The following MDGA1 variants were observed in gnomAD, a reference collection of about 807,000 sequenced individuals.
MDGA1 encodes the protein MAM domain containing glycosylphosphatidylinositol anchor 1.
A neutral mutation model predicts 101.5 loss-of-function variants in MDGA1; 54 were observed. That is an observed-to-expected ratio of 0.53 (90% CI 0.43 to 0.67). The LOEUF (loss-of-function observed/expected upper bound fraction) is 0.67, where lower values mean the gene tolerates loss of function less well. MDGA1 is among the 30% of genes least tolerant of loss of function. The pLI, the probability that MDGA1 is intolerant of heterozygous loss-of-function variation, is 0.00. For missense variants in MDGA1, 1,083 were observed against 1,323.8 expected, an observed-to-expected ratio of 0.82 and a Z score of 2.82; for synonymous variants, 533 against 558.3, an observed-to-expected ratio of 0.95 and a Z score of 0.64.
chr6:37,694,149 T>G (rs927044469), intron 1 of MDGA1, among the ~76,000 whole-genome samples: 1 of 152,002 alleles, frequency 6.6e-6, no homozygotes, highest in African/African-American at 2.4e-5. Flanking sequence ...GGATATACAT[T>G]TTTCTCCTAT....
At chr6:37,672,155 A>T (rs1377935511) in intron 1 of MDGA1, among the ~76,000 whole-genome samples, 1 of 151,844 alleles carries the variant, frequency 6.6e-6, no homozygotes. Context: ...AAAGAAAAAA[A>T]AAAAGTTCCT....
rs772211019 is a variant in MDGA1, at chr6:37,650,413, G to C, written c.1313-8C>G. The C allele has an allele frequency of 2.0e-6, 3 of 1,527,236 alleles. No individual in the cohort carries two copies. The allele number at this position is 1,527,236 out of a possible 1,614,324, so 94.6% of individuals were successfully genotyped here. A position where few individuals can be genotyped will look rare whatever the true frequency, so the allele number is the denominator to read the frequency against. ...CACTGATGGTGGGCGGCACTGTGGG[G>C]GTGATGGTGATCAGCGGAGAGGTAG... is the stretch of plus-strand genomic sequence containing the variant. On this transcript the variant is annotated splice_polypyrimidine_tract_variant and splice_region_variant and intron_variant, in intron 7 of 16. Transcript: ENST00000434837.
intron 3 of MDGA1, among the ~76,000 whole-genome samples, chr6:37,657,106 A>T (rs1453347472): frequency 6.6e-6 from 1 of 152,202 alleles, no homozygotes; most frequent in Non-Finnish European, 1.5e-5. Context: ...TATGTAAAAA[A>T]TCATTAACCT....
Position 37,647,315 on chromosome 6 carries a change from T to C in MDGA1, c.1904A>G (p.Tyr635Cys), listed in dbSNP as rs750740107. 2.0e-5 allele frequency: 31 copies of C among 1,546,148 alleles called. No homozygotes were observed. The highest frequency in any genetic ancestry group is 1.7e-4 in the Middle Eastern group (1 of 5,980). Reference protein sequence around the residue: ...ACLFQVSAKAYSPEFYFDTPN... With the variant: ...ACLFQVSAKACSPEFYFDTPN... ...GGTGTCGAAGTAAAACTCCGGGCTG[T>C]AGGCTTTGGCTAAGAGGGCGGGGAG... The change falls in exon 10 of 17, where the codon TAC becomes TGC. Residue 635 changes from tyrosine (Y) to cysteine (C), a missense_variant. Physicochemically the swap from Tyr to Cys is radical, Grantham distance 194 (BLOSUM62 -2). Coordinates refer to ENST00000434837, the MANE Select transcript of MDGA1 (RefSeq NM_153487.4).
chr6:37,645,668 G>A (rs974747207), intron 12 of MDGA1, among the ~76,000 whole-genome samples: 3 of 150,130 alleles, frequency 2.0e-5, no homozygotes, highest in South Asian at 2.1e-4. Context: ...GGGTGTAGAT[G>A]AGCCCAGCCT....
At chr6:37,664,185 T>A (rs1355684611) in intron 1 of MDGA1, 79 bp from the exon 2 acceptor site, 2 of 1,562,666 alleles carry the variant, frequency 1.3e-6, no homozygotes, top group Non-Finnish European at 1.7e-6. Context: ...CTCCTGAGTG[T>A]ATCTGGGAGG....
rs1763929919 is a variant in MDGA1, at chr6:37,636,392, T to A, written c.*976A>T. 1 of 152,222 alleles carries A rather than the reference T, an allele frequency of 6.6e-6. No homozygotes were observed. The highest frequency in any genetic ancestry group is 2.1e-4 in the South Asian group (1 of 4,830). 9.4% of individuals were successfully genotyped at this position (152,222 alleles called of 1,614,324 possible). On this transcript the variant is annotated 3_prime_UTR_variant, in exon 17 of 17. Coordinates refer to ENST00000434837, the MANE Select transcript of MDGA1 (RefSeq NM_153487.4). ...AGGGCACCCTTTCATGCCAAGTAGA[T>A]AAGAAATGAAGGCCCCTCTCCACTT...
intron 1 of MDGA1, among the ~76,000 whole-genome samples, chr6:37,675,180 A>C (rs1761951396): frequency 6.6e-6 from 1 of 152,202 alleles, no homozygotes; most frequent in African/African-American, 2.4e-5. Flanking sequence ...CAAATCTGAG[A>C]GGGCTGCTCA....
At chr6:37,692,071 G>A (rs1278486431) in intron 1 of MDGA1, among the ~76,000 whole-genome samples, 3 of 152,190 alleles carry the variant, frequency 2.0e-5, no homozygotes, top group Non-Finnish European at 4.4e-5. Flanking sequence ...GTTCCAGAAG[G>A]CCCTAAGGAA....
chr6:37,697,338 C>G lies in MDGA1; in HGVS notation c.-527G>C, dbSNP rs1762443566. 1 of 152,236 alleles carries G rather than the reference C, an allele frequency of 6.6e-6. No individual in the cohort carries two copies. Among genetic ancestry groups the G allele is most frequent in the South Asian group, 2.1e-4 (1 of 4,832 alleles). The allele number at this position is 152,236 out of a possible 1,614,324, so 9.4% of individuals were successfully genotyped here. On this transcript the variant is annotated 5_prime_UTR_variant, in exon 1 of 17. Coordinates refer to ENST00000434837, the MANE Select transcript of MDGA1 (RefSeq NM_153487.4). ...TGCCGTGGGCTCAGCGGCCCGACTCCAGGGGGCCGGGCTGAAAGCACTCGC... is the reference window on the plus strand; with the variant it reads ...TGCCGTGGGCTCAGCGGCCCGACTCGAGGGGGCCGGGCTGAAAGCACTCGC...
Position 37,656,586 on chromosome 6 carries a change from T to TG in MDGA1, c.383-691dup, listed in dbSNP as rs548961700. Among the ~76,000 whole-genome samples the TG allele has an allele frequency of 2.0e-3, 304 of 151,974 alleles. 2 individuals are homozygous for TG. Among genetic ancestry groups the TG allele is most frequent in the African/African-American group, 6.8e-3 (282 of 41,442 alleles). Reference sequence around the variant, plus strand: ...CAGGGTTTCACCATATTGCCCAGACTGTTCTTGAGCTCCTGGGCTCAAGCA... The same window carrying TG: ...CAGGGTTTCACCATATTGCCCAGACTGGTTCTTGAGCTCCTGGGCTCAAGCA... On this transcript the variant is annotated intron_variant, in intron 3 of 16. Transcript: ENST00000434837.
chr6:37,651,565 A>G (rs769845629), intron 7 of MDGA1, among the ~76,000 whole-genome samples: 1 of 152,068 alleles, frequency 6.6e-6, no homozygotes, highest in East Asian at 1.9e-4. Context: ...TGCCCTAGAC[A>G]TCAGGCCTAT....
chr6:37,684,559 T>A (rs1289903028), intron 1 of MDGA1, among the ~76,000 whole-genome samples: 3 of 152,242 alleles, frequency 2.0e-5, no homozygotes, highest in Admixed American at 2.0e-4. Context: ...GAAAGTCCTT[T>A]GACATGGCTT....
At chr6:37,641,197 T>C (rs71569388) in intron 14 of MDGA1, among the ~76,000 whole-genome samples, 13,062 of 152,214 alleles carry the variant, frequency 0.086, 750 homozygotes, top group Middle Eastern at 0.15. Context: ...GCAGGTAACA[T>C]TTGGTGGCTC....
intron 2 of MDGA1, among the ~76,000 whole-genome samples, chr6:37,663,256 G>C (rs183727639): frequency 6.6e-6 from 1 of 152,224 alleles, no homozygotes; most frequent in Non-Finnish European, 1.5e-5. Flanking sequence ...CACTTCGACG[G>C]TGACAAAATT....
chr6:37,679,821 C>T (rs975310038), intron 1 of MDGA1, among the ~76,000 whole-genome samples: 8 of 152,200 alleles, frequency 5.3e-5, no homozygotes, highest in Non-Finnish European at 7.3e-5. Context: ...CTGTCTTGTG[C>T]ATGGGGTAAC....
Position 37,630,900 on chromosome 6 carries a change from A to G in MDGA1, c.*6468T>C, listed in dbSNP as rs944370732. On this transcript the variant is annotated 3_prime_UTR_variant, in exon 17 of 17. Coordinates refer to ENST00000434837, the MANE Select transcript of MDGA1 (RefSeq NM_153487.4). ...ACGGTCTCAGAGCAACTCAGAGGAC[A>G]TCCTAGGTGGCAGTTCAGGGCTTCC... The G allele has an allele frequency of 6.6e-6, 1 of 152,154 alleles. No individual in the cohort carries two copies. The highest frequency in any genetic ancestry group is 1.5e-5 in the Non-Finnish European group (1 of 68,010). 9.4% of individuals were successfully genotyped at this position (152,154 alleles called of 1,614,324 possible).
At chr6:37,648,911 G>A (rs906087138) in intron 9 of MDGA1, 71 bp downstream of exon 9, 6 of 1,493,758 alleles carry the variant, frequency 4.0e-6, no homozygotes, top group Admixed American at 4.7e-5. Flanking sequence ...AGAATCACCC[G>A]GGCTGGGATT....
intron 1 of MDGA1, among the ~76,000 whole-genome samples, chr6:37,680,331 A>G (rs1762067690): frequency 6.6e-6 from 1 of 152,242 alleles, no homozygotes; most frequent in Non-Finnish European, 1.5e-5. Flanking sequence ...CAGCCTGCTC[A>G]GAGGCATCAG....
Sources: allele counts gnomAD v4.1 joint callset (sites outside exome capture counted in the v4.1 genomes callset), GRCh38; gene constraint gnomAD v4.1.1; transcripts MANE v1.5; gene names NCBI Gene and HGNC (gene_info 2026-07-23, HGNC 2026-07-21).